The following KCNT1 variants were observed in gnomAD, a reference collection of about 807,000 sequenced individuals.
KCNT1 encodes potassium channel subfamily T member 1.
Under a neutral mutation model 147.8 loss-of-function variants are expected in KCNT1, and 78 were observed. The observed-to-expected ratio is 0.53, with a 90% confidence interval of 0.44 to 0.64. The LOEUF (loss-of-function observed/expected upper bound fraction) is 0.64. Among genes scored for constraint, KCNT1 ranks in the 30% least tolerant of loss-of-function variants. KCNT1 has a pLI of 0.00. For missense variants in KCNT1, 1,419 were observed against 1,750.3 expected (o/e 0.81, Z 3.38); for synonymous variants, 867 against 748.8 (o/e 1.16, Z -2.58).
At chr9:135,774,247 G>A (rs373943474) in intron 19 of KCNT1, among the ~76,000 whole-genome samples, 1,603 of 134,988 alleles carry the variant, frequency 0.012, 29 homozygotes, top group East Asian at 0.041. Context: ...GTGTGTGTCC[G>A]TGTGTGGTGT....
intron 29 of KCNT1, 182 bp from the exon 30 acceptor site, chr9:135,791,615 G>T: frequency 1.7e-6 from 1 of 594,738 alleles, no homozygotes; most frequent in Non-Finnish European, 3.0e-6. Flanking sequence ...GTGTGGAGAT[G>T]GGACAGGTGT....
At chr9:135,754,048 G>A (rs960097664) in intron 5 of KCNT1, 55 bp downstream of exon 5, 52 of 1,531,572 alleles carry the variant, frequency 3.4e-5, no homozygotes, top group Middle Eastern at 3.4e-4. Context: ...TGGGACCAGG[G>A]TGGGGTGGGA....
At chr9:135,789,602 C>G (rs560540792) in intron 29 of KCNT1, 1 of 152,270 alleles carries the variant, frequency 6.6e-6, no homozygotes, top group African/African-American at 2.4e-5. Context: ...TAGCTCTGGC[C>G]TGGCGTGGGG....
intron 1 of KCNT1, among the ~76,000 whole-genome samples, chr9:135,712,515 C>T (rs1200102581): frequency 1.3e-5 from 2 of 152,116 alleles, no homozygotes; most frequent in African/African-American, 4.8e-5. Context: ...TCCACCTGAA[C>T]CAGCTTCAAC....
At chr9:135,704,363 G>A (rs909057957) in intron 1 of KCNT1, among the ~76,000 whole-genome samples, 1 of 152,216 alleles carries the variant, frequency 6.6e-6, no homozygotes, top group East Asian at 1.9e-4. Context: ...CCAGCTCCAC[G>A]CTAGTGGTGT....
At chr9:135,783,220 A>G (rs964544349) in intron 24 of KCNT1, among the ~76,000 whole-genome samples, 3 of 152,198 alleles carry the variant, frequency 2.0e-5, no homozygotes, top group African/African-American at 7.2e-5. Context: ...TCGAGATGGG[A>G]GATCCTCCTG....
intron 28 of KCNT1, chr9:135,785,894 A>G (rs1326902608): frequency 4.1e-6 from 2 of 493,562 alleles, no homozygotes; most frequent in African/African-American, 4.0e-5. Flanking sequence ...ACCCACAGAA[A>G]TAAGGGCTCA....
intron 4 of KCNT1, 127 bp from the exon 5 acceptor site, chr9:135,753,810 G>A: frequency 1.1e-6 from 1 of 892,714 alleles, no homozygotes; most frequent in Non-Finnish European, 1.8e-6. Flanking sequence ...CTCTGATGTG[G>A]GGGTTAGCCC....
Position 135,778,837 on chromosome 9 carries a change from C to T in KCNT1, c.2729+15C>T, listed in dbSNP as rs200624821. 19 of 1,612,432 alleles carry T rather than the reference C, an allele frequency of 1.2e-5. No individual in the cohort carries two copies. Among genetic ancestry groups the T allele is most frequent in the African/African-American group, 2.7e-5 (2 of 74,846 alleles). Reference sequence around the variant, plus strand: ...ACCATGTTCCGGTGCGTCCAGTGTCCGGGGCTCGGCTCTAAACCACCCCAC... The same window carrying T: ...ACCATGTTCCGGTGCGTCCAGTGTCTGGGGCTCGGCTCTAAACCACCCCAC... On this transcript the variant is annotated intron_variant, in intron 23 of 30. Coordinates refer to ENST00000371757, the MANE Select transcript of KCNT1 (RefSeq NM_020822.3).
At chr9:135,711,938 A>G (rs1173437368) in intron 1 of KCNT1, among the ~76,000 whole-genome samples, 1 of 152,186 alleles carries the variant, frequency 6.6e-6, no homozygotes, top group African/African-American at 2.4e-5. Context: ...CACTCTTCCT[A>G]TAAGGGAACA....
intron 19 of KCNT1, among the ~76,000 whole-genome samples, chr9:135,774,345 CGT>C (rs1832982609): frequency 1.8e-5 from 2 of 109,076 alleles, no homozygotes; most frequent in Non-Finnish European, 3.6e-5. Flanking sequence ...GTTGTGTGTC[CGT>C]GTGTGGTGCG....
intron 24 of KCNT1, among the ~76,000 whole-genome samples, chr9:135,782,444 G>T (rs1833683210): frequency 6.6e-6 from 1 of 152,172 alleles, no homozygotes; most frequent in Admixed American, 6.5e-5. Context: ...CTCACCAGGA[G>T]CCTTCCTTCA....
rs962634337 is a variant in KCNT1, at chr9:135,792,612, T to A, written c.*451T>A. 1.3e-5 allele frequency: 2 copies of A among 158,184 alleles called. No homozygotes were observed. The highest frequency in any genetic ancestry group is 2.8e-5 in the Non-Finnish European group (2 of 72,150). The allele number at this position is 158,184 out of a possible 1,614,324, so 9.8% of individuals were successfully genotyped here. A position where few individuals can be genotyped will look rare whatever the true frequency, so the allele number is the denominator to read the frequency against. ...CCTGAGCGTTCACGGCCAGGCAGCC[T>A]CGCTTCCTTGCAGCCAAGGGCTGGG... On this transcript the variant is annotated 3_prime_UTR_variant, in exon 31 of 31. Transcript: ENST00000371757.
intron 13 of KCNT1, 73 bp from the exon 14 acceptor site, chr9:135,768,537 C>A: frequency 8.0e-7 from 1 of 1,249,850 alleles, no homozygotes; most frequent in Non-Finnish European, 1.1e-6. Flanking sequence ...TCCTCCCCAC[C>A]TCACCTCCGC....
chr9:135,712,673 T>G (rs1835550855), intron 1 of KCNT1, among the ~76,000 whole-genome samples: 1 of 152,144 alleles, frequency 6.6e-6, no homozygotes, highest in Non-Finnish European at 1.5e-5. Context: ...ATGGGCCCCT[T>G]TCCCAGAGAC....
At chr9:135,770,189 A>G in intron 16 of KCNT1, 109 bp from the exon 17 acceptor site, 1 of 1,416,944 alleles carries the variant, frequency 7.1e-7, no homozygotes, top group Non-Finnish European at 9.6e-7. Flanking sequence ...CTGCATAGGG[A>G]GGGGATCCAT....
intron 2 of KCNT1, among the ~76,000 whole-genome samples, chr9:135,741,300 A>G (rs1045423116): frequency 3.9e-5 from 6 of 152,202 alleles, no homozygotes; most frequent in Non-Finnish European, 5.9e-5. Flanking sequence ...GAGAGGACAC[A>G]GTGGGCCCCA....
intron 24 of KCNT1, among the ~76,000 whole-genome samples, chr9:135,781,460 C>T (rs960882080): frequency 3.9e-5 from 6 of 152,208 alleles, no homozygotes; most frequent in Admixed American, 3.3e-4. Flanking sequence ...TCTTCTCCAG[C>T]CTGGGTGGCC....
Position 135,794,163 on chromosome 9 carries a change from G to GGAA in KCNT1, c.*2005_*2007dup. ...GCTGTAGCCCCTGGAGCCCCACACT[G>GGAA]GAAGAGCTGGCCTGCAGGAGGCACC... On this transcript the variant is annotated 3_prime_UTR_variant, in exon 31 of 31. Transcript: ENST00000371757. 1 of 152,452 alleles carries GGAA rather than the reference G, an allele frequency of 6.6e-6. No individual in the cohort carries two copies. Among genetic ancestry groups the GGAA allele is most frequent in the East Asian group, 1.9e-4 (1 of 5,182 alleles). The allele number at this position is 152,452 out of a possible 1,614,324, so 9.4% of individuals were successfully genotyped here.
Sources: gnomAD v4.1 joint callset for allele counts (sites outside exome capture counted in the v4.1 genomes callset) on GRCh38, gnomAD v4.1.1 for gene constraint, MANE v1.5 for transcripts, NCBI Gene and HGNC (gene_info 2026-07-23, HGNC 2026-07-21) for gene names.